The following SNX19 variants were observed in gnomAD, a reference collection of about 807,000 sequenced individuals.
SNX19 encodes the protein sorting nexin 19, also known as sorting nexin-19.
SNX19 carries 60 observed loss-of-function variants against 85.2 expected under a neutral mutation model. The ratio of observed to expected loss-of-function variants is 0.70; its 90% CI spans 0.57 to 0.87. SNX19 has a LOEUF of 0.87. SNX19 is among the 40% of genes least tolerant of loss of function. The pLI, the probability that SNX19 is intolerant of heterozygous loss-of-function variation, is 0.00. For missense variants in SNX19, 1,201 were observed against 1,217.8 expected (o/e 0.99, Z 0.21); for synonymous variants, 520 against 470.0 (o/e 1.11, Z -1.38).
chr11:130,893,255 A>T (rs1272643597), intron 8 of SNX19, among the ~76,000 whole-genome samples: 1 of 152,158 alleles, frequency 6.6e-6, no homozygotes, highest in Non-Finnish European at 1.5e-5. Context: ...TGCAAATATT[A>T]CGGATAACAG....
rs1946397811 is a variant in SNX19 at position 130,914,621 on chromosome 11, G to A, written c.1319C>T (p.Thr440Ile). 1 of 1,613,940 alleles carries A rather than the reference G, an allele frequency of 6.2e-7. No homozygotes were observed. The highest frequency in any genetic ancestry group is 8.5e-7 in the Non-Finnish European group (1 of 1,179,864). ...ATGGATCTCTGGGCAGGAATTCAGT[G>A]TGGAGACCGGCAGGCCTGTCTCTGT... Reference protein sequence around the residue: ...TETETGLPVSTLNSCPEIHID... With the variant: ...TETETGLPVSILNSCPEIHID... The change falls in exon 1 of 11, where the codon ACA becomes ATA. Residue 440 changes from threonine to isoleucine, a missense_variant. Around this residue, in one of 3 missense-constraint regions of SNX19, gnomAD observed 791 missense variants for 750.9 expected, o/e 1.05. Coordinates refer to ENST00000265909, the MANE Select transcript of SNX19 (RefSeq NM_014758.3).
rs1284296941 is a variant in SNX19 at position 130,874,468 on chromosome 11, A to G, written c.*3954T>C. Among the ~76,000 whole-genome samples, 1 of 152,242 alleles carries G rather than the reference A, an allele frequency of 6.6e-6. No homozygotes were observed. The highest frequency in any genetic ancestry group is 1.9e-4 in the East Asian group (1 of 5,206). ...GCAGCAGGAAGGCAGGCAGTCTGAG[A>G]GCACAGCTGACCTAATTAGAATGGC... On this transcript the variant is annotated 3_prime_UTR_variant, in exon 11 of 11. Coordinates refer to ENST00000265909, the MANE Select transcript of SNX19 (RefSeq NM_014758.3).
chr11:130,884,336 A>G (rs902176891), intron 8 of SNX19, among the ~76,000 whole-genome samples: 1 of 152,188 alleles, frequency 6.6e-6, no homozygotes, highest in African/African-American at 2.4e-5. Flanking sequence ...CGCGATTTCT[A>G]CACTGCATCT....
At chr11:130,884,172 ACACAC>A (rs1441417256) in intron 8 of SNX19, among the ~76,000 whole-genome samples, 1 of 152,102 alleles carries the variant, frequency 6.6e-6, no homozygotes, top group Non-Finnish European at 1.5e-5. Context: ...AAAGCTCCAT[ACACAC>A]CACCATTTCA....
At chr11:130,882,544 G>A (rs1943753932) in intron 8 of SNX19, among the ~76,000 whole-genome samples, 1 of 152,172 alleles carries the variant, frequency 6.6e-6, no homozygotes, top group African/African-American at 2.4e-5. Flanking sequence ...GCCATCGATG[G>A]AGATCAAGAG....
chr11:130,876,885 G>A lies in SNX19; in HGVS notation c.*1537C>T, dbSNP rs535732936. 6.6e-6 allele frequency: 1 copy of A among 152,338 alleles called. No homozygotes were observed. Among genetic ancestry groups the A allele is most frequent in the African/African-American group, 2.4e-5 (1 of 41,532 alleles). 9.4% of individuals were successfully genotyped at this position (152,338 alleles called of 1,614,324 possible). On this transcript the variant is annotated 3_prime_UTR_variant, in exon 11 of 11. Transcript: ENST00000265909. ...CATCTCATTCATCTCCTTGCCTTTG[G>A]GCAAGAATTGCACACCTAAGCCTCC...
chr11:130,903,235 G>A lies in SNX19; in HGVS notation c.2573+20C>T, dbSNP rs1945383894. 1 of 1,612,966 alleles carries A rather than the reference G, an allele frequency of 6.2e-7. No individual in the cohort carries two copies. The highest frequency in any genetic ancestry group is 1.3e-5 in the African/African-American group (1 of 75,000). On this transcript the variant is annotated intron_variant, in intron 8 of 10. Transcript: ENST00000265909. ...CTGCAACTTGAGATTCTGATGTGAG[G>A]GAGAATTCAGCAGTCTTACCTTTGA...
rs1284651855 is a variant in SNX19 at position 130,880,636 on chromosome 11, A to G, written c.2744T>C (p.Met915Thr). The G allele has an allele frequency of 1.3e-6, 2 of 1,599,132 alleles. No individual in the cohort carries two copies. The highest frequency in any genetic ancestry group is 3.3e-5 in the Admixed American group (2 of 59,770). Residue 915 changes from methionine to threonine, a missense_variant, in exon 9 of 11, where the codon ATG becomes ACG. Met to Thr is a moderately conservative substitution (Grantham distance 81). Transcript: ENST00000265909. ...GGTCCAATTACCTGGGAGGACTCCC[A>G]TCAGGCTCTGCAAAGCCTGTTTCTC... ...AAEKQALQSL[M>T]GVLPDLVVEI...
rs530148756 is a variant in SNX19, at chr11:130,874,181, C to T, written c.*4241G>A. 2.0e-5 allele frequency among the ~76,000 whole-genome samples: 3 copies of T among 152,138 alleles called. No homozygotes were observed. The highest frequency in any genetic ancestry group is 7.2e-5 in the African/African-American group (3 of 41,430). On this transcript the variant is annotated 3_prime_UTR_variant, in exon 11 of 11. Transcript: ENST00000265909. The stretch of plus-strand genomic sequence containing the variant: ...GGAACCACAGGCGAGAGCCACCATG[C>T]CCCGCTCATTTTTTATATTTTTTGT...
intron 4 of SNX19, among the ~76,000 whole-genome samples, chr11:130,908,973 G>A (rs760352034): frequency 6.6e-6 from 1 of 152,240 alleles, no homozygotes; most frequent in Non-Finnish European, 1.5e-5. Context: ...AGGCTGAAGA[G>A]AGTGGTCAGC....
In SNX19 at chr11:130,898,673, A is replaced by C. The variant is rs73583870; in HGVS notation, c.2573+4582T>G. ...TCTGGAGATGTCAAGTTTCCAGCAT[A>C]TTGGCTTACCAAAGCAAATAAAGCT... is the stretch of plus-strand genomic sequence containing the variant. On this transcript the variant is annotated intron_variant, in intron 8 of 10. Coordinates refer to ENST00000265909, the MANE Select transcript of SNX19 (RefSeq NM_014758.3). Among the ~76,000 whole-genome samples the C allele has an allele frequency of 7.9e-3, 1,198 of 152,252 alleles. 17 individuals are homozygous for C. The highest frequency in any genetic ancestry group is 0.027 in the African/African-American group (1,142 of 41,530).
chr11:130,907,234 C>T (rs978141712), intron 5 of SNX19, among the ~76,000 whole-genome samples: 2 of 152,188 alleles, frequency 1.3e-5, no homozygotes, highest in African/African-American at 4.8e-5. Context: ...GCAGAGGTAT[C>T]ATGGTCATCC....
rs1179783312 is a variant in SNX19 at position 130,874,554 on chromosome 11, A to AAAC, written c.*3865_*3867dup. Among the ~76,000 whole-genome samples the AAAC allele has an allele frequency of 3.3e-5, 5 of 152,234 alleles. No individual in the cohort carries two copies. Among genetic ancestry groups the AAAC allele is most frequent in the African/African-American group, 1.2e-4 (5 of 41,458 alleles). On this transcript the variant is annotated 3_prime_UTR_variant, in exon 11 of 11. Coordinates refer to ENST00000265909, the MANE Select transcript of SNX19 (RefSeq NM_014758.3). ...GAGGTCTCAGAGTTGCTGAATCACCAAACTCCTGGGCTTACCTACTCACGT... is the reference window on the plus strand; with the variant it reads ...GAGGTCTCAGAGTTGCTGAATCACCAAACAACTCCTGGGCTTACCTACTCACGT...
chr11:130,884,901 T>G (rs1454384657), intron 8 of SNX19, among the ~76,000 whole-genome samples: 1 of 149,948 alleles, frequency 6.7e-6, no homozygotes, highest in Non-Finnish European at 1.5e-5. Flanking sequence ...AAATTACTTA[T>G]AATAAATCAT....
At position 130,880,703 on chromosome 11, in the gene SNX19, A is replaced by G. The variant is rs760504240; in HGVS notation, c.2677T>C (p.Phe893Leu). ...SIWPGGVLPK[F>L]PRPVRTQEQK... ...TCTTGGGTCCTTACGGGCCGTGGAA[A>G]CTTAGGCAAAACTCCACCAGGCCAG... is the stretch of plus-strand genomic sequence containing the variant. Residue 893 changes from phenylalanine (F) to leucine (L), a missense_variant, in exon 9 of 11, where the codon TTT becomes CTT. Around this residue, in one of 3 missense-constraint regions of SNX19, gnomAD observed 285 missense variants for 295.3 expected, o/e 0.97. Transcript: ENST00000265909. 1.1e-5 allele frequency: 17 copies of G among 1,612,356 alleles called. No homozygotes were observed. Among genetic ancestry groups the G allele is most frequent in the Non-Finnish European group, 1.4e-5 (17 of 1,178,754 alleles).
chr11:130,885,436 C>T (rs1349685745), intron 8 of SNX19, among the ~76,000 whole-genome samples: 1 of 152,184 alleles, frequency 6.6e-6, no homozygotes, highest in African/African-American at 2.4e-5. Context: ...GGTCATTTCC[C>T]ATCAAAACAG....
chr11:130,879,775 T>C (rs1943529874), intron 9 of SNX19, 64 bp from the exon 10 acceptor site: 7 of 1,466,460 alleles, frequency 4.8e-6, no homozygotes, highest in Non-Finnish European at 5.7e-6. Flanking sequence ...CTAAGGACAG[T>C]CTCTCCCCAG....
chr11:130,908,148 A>T, intron 4 of SNX19, 65 bp from the exon 5 acceptor site: 1 of 1,577,686 alleles, frequency 6.3e-7, no homozygotes, highest in Admixed American at 1.9e-5. Flanking sequence ...CCAAGCAAGC[A>T]GTCGCCTCAC....
At chr11:130,884,247 A>T (rs1472571158) in intron 8 of SNX19, among the ~76,000 whole-genome samples, 1 of 152,194 alleles carries the variant, frequency 6.6e-6, no homozygotes, top group Non-Finnish European at 1.5e-5. Context: ...TGGCTAGAGC[A>T]CGGAAGACAA....
Sources: allele counts gnomAD v4.1 joint callset (sites outside exome capture counted in the v4.1 genomes callset), GRCh38; gene constraint gnomAD v4.1.1; regional missense constraint gnomAD v4.1.1; transcripts MANE v1.5; gene names NCBI Gene and HGNC (gene_info 2026-07-23, HGNC 2026-07-21).